PCDH9: variants seen among roughly 807,000 people sequenced by gnomAD.
PCDH9 encodes the protein protocadherin 9.
Under a neutral mutation model 70.6 loss-of-function variants are expected in PCDH9, and 24 were observed. The observed-to-expected ratio is 0.34, with a 90% CI of 0.25 to 0.48. The LOEUF (loss-of-function observed/expected upper bound fraction) is 0.48, where lower values mean the gene tolerates loss of function less well. Among genes scored for constraint, PCDH9 ranks in the 20% least tolerant of loss-of-function variants. PCDH9 has a pLI of 0.99. For synonymous variants in PCDH9, 562 were observed against 558.5 expected (o/e 1.01, Z -0.09); for missense variants, 1,281 against 1,503.6 (o/e 0.85, Z 2.45).
intron 4 of PCDH9, among the ~76,000 whole-genome samples, chr13:66,561,191 G>A (rs1024753248): frequency 1.2e-4 from 18 of 152,228 alleles, no homozygotes; most frequent in Non-Finnish European, 1.8e-4. Context: ...GGGGCAGTGA[G>A]GGGCTTAGCG....
intron 2 of PCDH9, among the ~76,000 whole-genome samples, chr13:67,137,730 T>C (rs1297518839): frequency 6.6e-6 from 1 of 152,152 alleles, no homozygotes; most frequent in African/African-American, 2.4e-5. Context: ...AAAAGGAAAT[T>C]CTTCCTTCTC....
At chr13:66,946,107 T>C (rs1238591376) in intron 2 of PCDH9, among the ~76,000 whole-genome samples, 2 of 152,128 alleles carry the variant, frequency 1.3e-5, no homozygotes, top group African/African-American at 4.8e-5. Flanking sequence ...CTTATTTTTA[T>C]TGACTATATA....
chr13:66,777,941 A>T (rs2079926042), intron 3 of PCDH9, among the ~76,000 whole-genome samples: 1 of 152,134 alleles, frequency 6.6e-6, no homozygotes, highest in Non-Finnish European at 1.5e-5. Flanking sequence ...ACCATGGAAT[A>T]CTATGCAGCC....
intron 2 of PCDH9, among the ~76,000 whole-genome samples, chr13:67,146,294 G>GATACTTATAATATCTTAAC (rs2087521755): frequency 6.6e-6 from 1 of 152,092 alleles, no homozygotes; most frequent in Non-Finnish European, 1.5e-5. Context: ...TACAAATTAA[G>GATACTTATAATATCTTAAC]ATACTTATAA....
At chr13:67,017,239 C>G (rs1264488751) in intron 2 of PCDH9, among the ~76,000 whole-genome samples, 1 of 152,180 alleles carries the variant, frequency 6.6e-6, no homozygotes, top group African/African-American at 2.4e-5. Flanking sequence ...TAAGTAAACT[C>G]TGCTCCAAGA....
intron 3 of PCDH9, among the ~76,000 whole-genome samples, chr13:66,644,360 T>C (rs1387277096): frequency 6.6e-6 from 1 of 151,906 alleles, no homozygotes; most frequent in Non-Finnish European, 1.5e-5. Flanking sequence ...GGGAAAACTG[T>C]GTTCAATAAG....
At chr13:66,608,366 T>A (rs1041818466) in intron 4 of PCDH9, among the ~76,000 whole-genome samples, 1 of 152,282 alleles carries the variant, frequency 6.6e-6, no homozygotes, top group African/African-American at 2.4e-5. Flanking sequence ...ACTGATTTTT[T>A]AAAAATAATT....
chr13:66,574,526 C>A (rs192269411), intron 4 of PCDH9, among the ~76,000 whole-genome samples: 1 of 152,242 alleles, frequency 6.6e-6, no homozygotes, highest in Middle Eastern at 3.4e-3. Context: ...TTGTGTCTTC[C>A]GTATCCCAAT....
rs2082782726 is a variant in PCDH9 at position 66,930,103 on chromosome 13, T to C, written c.3037-26498A>G. On this transcript the variant is annotated intron_variant, in intron 2 of 4. Coordinates refer to ENST00000377865, the MANE Select transcript of PCDH9 (RefSeq NM_203487.3). ...TGAAAGATATTCCTATGATAGGATCTAGCCCTGCAGAGACTTTGAGAGTAC... is the reference window on the plus strand; with the variant it reads ...TGAAAGATATTCCTATGATAGGATCCAGCCCTGCAGAGACTTTGAGAGTAC... Among the ~76,000 whole-genome samples the C allele has an allele frequency of 3.3e-5, 5 of 152,302 alleles. No individual in the cohort carries two copies. In the South Asian group the frequency reaches 8.3e-4, roughly 25 times the overall value.
At chr13:66,398,530 T>A (rs1489167124) in intron 4 of PCDH9, among the ~76,000 whole-genome samples, 1 of 152,158 alleles carries the variant, frequency 6.6e-6, no homozygotes, top group Non-Finnish European at 1.5e-5. Flanking sequence ...ACAGATATGT[T>A]AAATTGGTAT....
At chr13:66,823,420 G>A (rs1046294219) in intron 3 of PCDH9, among the ~76,000 whole-genome samples, 10 of 151,310 alleles carry the variant, frequency 6.6e-5, no homozygotes, top group South Asian at 2.1e-4. Flanking sequence ...AAAATATAAA[G>A]ATAAATTATA....
At chr13:66,987,792 A>T (rs748288277) in intron 2 of PCDH9, among the ~76,000 whole-genome samples, 2 of 152,088 alleles carry the variant, frequency 1.3e-5, no homozygotes, top group Non-Finnish European at 2.9e-5. Context: ...AACTTCATAT[A>T]AATGTCTTAT....
intron 2 of PCDH9, among the ~76,000 whole-genome samples, chr13:66,981,453 GAAAA>G (rs1393172745): frequency 7.2e-6 from 1 of 138,176 alleles, no homozygotes; most frequent in East Asian, 2.0e-4. Context: ...AAAAAAAAAA[GAAAA>G]AAAAAGTAAA....
At chr13:66,721,527 G>C (rs369755285) in intron 3 of PCDH9, among the ~76,000 whole-genome samples, 1 of 152,010 alleles carries the variant, frequency 6.6e-6, no homozygotes, top group Non-Finnish European at 1.5e-5. Context: ...ATGTCTGAGC[G>C]TGGATATTTT....
At chr13:67,165,376 T>C (rs2088082912) in intron 2 of PCDH9, among the ~76,000 whole-genome samples, 1 of 152,146 alleles carries the variant, frequency 6.6e-6, no homozygotes, top group South Asian at 2.1e-4. Flanking sequence ...TTAAACTGAA[T>C]TTGATGGCTG....
At chr13:66,923,382 T>C (rs974056704) in intron 2 of PCDH9, among the ~76,000 whole-genome samples, 4 of 151,512 alleles carry the variant, frequency 2.6e-5, no homozygotes, top group African/African-American at 9.7e-5. Context: ...CATAACAGAG[T>C]TCTTTCTAAA....
intron 2 of PCDH9, among the ~76,000 whole-genome samples, chr13:66,998,777 C>G (rs1566352149): frequency 1.3e-5 from 2 of 152,324 alleles, no homozygotes; most frequent in South Asian, 2.1e-4. Flanking sequence ...TCCACTCAGA[C>G]TGTTGTAATT....
intron 2 of PCDH9, among the ~76,000 whole-genome samples, chr13:67,061,147 A>G (rs530496004): frequency 6.6e-6 from 1 of 152,078 alleles, no homozygotes; most frequent in Admixed American, 6.6e-5. Flanking sequence ...AAAAACAAAA[A>G]CTTAAACCTT....
chr13:67,193,695 G>T (rs1478274563), intron 2 of PCDH9, among the ~76,000 whole-genome samples: 2 of 152,052 alleles, frequency 1.3e-5, no homozygotes, highest in African/African-American at 2.4e-5. Context: ...AGGGAAGAGG[G>T]GATCTTTACT....
Sources: allele counts gnomAD v4.1 joint callset (sites outside exome capture counted in the v4.1 genomes callset), GRCh38; gene constraint gnomAD v4.1.1; transcripts MANE v1.5; gene names NCBI Gene and HGNC (gene_info 2026-07-23, HGNC 2026-07-21).